The following GRM8 variants were observed in gnomAD, a reference collection of about 807,000 sequenced individuals.
GRM8 encodes the protein glutamate metabotropic receptor 8, also known as metabotropic glutamate receptor 8.
A neutral mutation model predicts 87.2 loss-of-function variants in GRM8; 47 were observed. That is an observed-to-expected ratio of 0.54 (90% CI 0.43 to 0.69). The LOEUF is 0.69. Ranked by LOEUF, GRM8 falls within the 30% of genes least tolerant of loss-of-function variation. GRM8 has a pLI of 0.00. For synonymous variants in GRM8, 396 were observed against 404.5 expected, an observed-to-expected ratio of 0.98 and a Z score of 0.25; for missense variants, 1,019 against 1,139.2, an observed-to-expected ratio of 0.89 and a Z score of 1.52.
In GRM8 at chr7:127,211,237, T is replaced by G. The variant is rs17866782; in HGVS notation, c.510+31458A>C. ...AGTAGGGAAGCTGACAGTGCAGCCT[T>G]CAGTATGTGGTCAAAAGCCTGAGAG... On this transcript the variant is annotated intron_variant, in intron 2 of 10. Transcript: ENST00000339582. 5.3e-4 allele frequency among the ~76,000 whole-genome samples: 80 copies of G among 152,220 alleles called. No individual in the cohort carries two copies. The East Asian group carries it at 0.014, about 26-fold the overall frequency.
intron 7 of GRM8, among the ~76,000 whole-genome samples, chr7:126,618,986 A>T (rs1318882563): frequency 6.6e-6 from 1 of 152,222 alleles, no homozygotes; most frequent in African/African-American, 2.4e-5. Context: ...AGGATCTAGA[A>T]CTAGAAACAC....
intron 2 of GRM8, among the ~76,000 whole-genome samples, chr7:127,175,860 T>A (rs1382803110): frequency 6.6e-6 from 1 of 152,108 alleles, no homozygotes; most frequent in Non-Finnish European, 1.5e-5. Context: ...AAACATTATT[T>A]AAGGGGAATG....
rs1801148619 is a variant in GRM8, at chr7:126,439,048, AT to A, written c.*70del. The A allele has an allele frequency of 1.1e-6, 1 of 903,506 alleles. No individual in the cohort carries two copies. The highest frequency in any genetic ancestry group is 1.9e-6 in the Non-Finnish European group (1 of 532,830). 56.0% of individuals were successfully genotyped at this position (903,506 alleles called of 1,614,324 possible). On this transcript the variant is annotated 3_prime_UTR_variant, in exon 11 of 11. Coordinates refer to ENST00000339582, the MANE Select transcript of GRM8 (RefSeq NM_000845.3). Reference sequence around the variant, plus strand: ...AGTCTACGGAGATCTCCAGGAGTGAATTTTTGCGGTCTCATGTTCATCATTT... The same window carrying A: ...AGTCTACGGAGATCTCCAGGAGTGAATTTTGCGGTCTCATGTTCATCATTT...
chr7:127,133,439 T>G (rs1827792167), intron 2 of GRM8, among the ~76,000 whole-genome samples: 1 of 148,604 alleles, frequency 6.7e-6, no homozygotes, highest in Non-Finnish European at 1.5e-5. Context: ...CAACCCTGTC[T>G]CTAAAAAAGC....
chr7:126,536,009 TTG>T (rs1815659920), intron 8 of GRM8, among the ~76,000 whole-genome samples: 1 of 152,202 alleles, frequency 6.6e-6, no homozygotes, highest in African/African-American at 2.4e-5. Flanking sequence ...TACGGAAATG[TTG>T]TGAGATGATG....
At chr7:126,904,820 G>A (rs1802514906) in intron 3 of GRM8, 137 bp from the exon 4 acceptor site, 1 of 736,086 alleles carries the variant, frequency 1.4e-6, no homozygotes, top group Admixed American at 2.4e-5. Context: ...CACCTATTAA[G>A]AGCAATTGTT....
chr7:126,906,305 TATG>T (rs1429352927), intron 3 of GRM8, among the ~76,000 whole-genome samples: 2 of 152,080 alleles, frequency 1.3e-5, no homozygotes, highest in African/African-American at 4.8e-5. Flanking sequence ...CCACCCAGTA[TATG>T]ATAATTTTTA....
chr7:126,813,372 G>A (rs573725052), intron 6 of GRM8, among the ~76,000 whole-genome samples: 4 of 152,104 alleles, frequency 2.6e-5, no homozygotes, highest in African/African-American at 9.6e-5. Context: ...AAATATCAAT[G>A]TTAAGTTCCT....
chr7:127,008,994 AT>A (rs1433981237), intron 3 of GRM8, among the ~76,000 whole-genome samples: 1 of 152,034 alleles, frequency 6.6e-6, no homozygotes, highest in Non-Finnish European at 1.5e-5. Context: ...CTTCATTTGC[AT>A]TCTTTCTTCT....
chr7:126,587,594 C>T (rs1050101989), intron 8 of GRM8, among the ~76,000 whole-genome samples: 3 of 150,144 alleles, frequency 2.0e-5, no homozygotes, highest in East Asian at 3.9e-4. Context: ...AACCAAACAC[C>T]GCATATTCTC....
chr7:126,637,729 T>C (rs1802001601), intron 7 of GRM8, among the ~76,000 whole-genome samples: 1 of 152,156 alleles, frequency 6.6e-6, no homozygotes, highest in Admixed American at 6.6e-5. Context: ...TCCCTTGAAG[T>C]CTCTCATAAT....
chr7:126,488,021 C>T lies in GRM8; in HGVS notation c.2431-41649G>A, dbSNP rs144644904. On this transcript the variant is annotated intron_variant, in intron 9 of 10. Transcript: ENST00000339582. ...AAAAAGCAACTAGATCAGCTTTCAA[C>T]CTAACCTCATAAGAGCTTTTCCTTG... 3.2e-4 allele frequency among the ~76,000 whole-genome samples: 49 copies of T among 152,086 alleles called. No homozygotes were observed. In the East Asian group the frequency reaches 7.0e-3, roughly 22 times the overall value.
At position 126,707,822 on chromosome 7, in the gene GRM8, T is replaced by C. The variant is rs547520782; in HGVS notation, c.1357+62043A>G. Among the ~76,000 whole-genome samples, 11 of 152,228 alleles carry C rather than the reference T, an allele frequency of 7.2e-5. No individual in the cohort carries two copies. The East Asian group carries it at 1.2e-3, about 16-fold the overall frequency. On this transcript the variant is annotated intron_variant, in intron 7 of 10. Coordinates refer to ENST00000339582, the MANE Select transcript of GRM8 (RefSeq NM_000845.3). ...GAAAAAAACATGGAGAAAATCTCCT[T>C]GACATTGGTCTTGACAATGGTTTTT...
At chr7:127,081,147 G>C (rs1360380721) in intron 3 of GRM8, among the ~76,000 whole-genome samples, 1 of 152,116 alleles carries the variant, frequency 6.6e-6, no homozygotes, top group Admixed American at 6.5e-5. Flanking sequence ...TAGCACGAAA[G>C]GTCCTTTCTG....
At chr7:127,109,926 C>T (rs770436280) in intron 2 of GRM8, among the ~76,000 whole-genome samples, 7 of 152,272 alleles carry the variant, frequency 4.6e-5, no homozygotes, top group Middle Eastern at 6.9e-3. Flanking sequence ...CTCTCTATGA[C>T]CATACTGCCT....
intron 2 of GRM8, among the ~76,000 whole-genome samples, chr7:127,120,582 C>A (rs1308998634): frequency 6.6e-6 from 1 of 152,176 alleles, no homozygotes. Context: ...AAAAGCTCTG[C>A]TATAGTATGA....
chr7:126,473,938 C>T (rs997071920), intron 9 of GRM8, among the ~76,000 whole-genome samples: 1 of 152,064 alleles, frequency 6.6e-6, no homozygotes. Context: ...GATTGTGATG[C>T]CTCCCAAGCC....
rs1813339550 is a variant in GRM8 at position 126,729,235 on chromosome 7, G to A, written c.1357+40630C>T. Among the ~76,000 whole-genome samples, 7 of 152,160 alleles carry A rather than the reference G, an allele frequency of 4.6e-5. No individual in the cohort carries two copies. The South Asian group carries it at 1.4e-3, about 32-fold the overall frequency. Reference sequence around the variant, plus strand: ...CCCTCTCCTCAGTCACCATTCCAGAGTGCTCTGATGGCTTCACACTGCTAG... The same window carrying A: ...CCCTCTCCTCAGTCACCATTCCAGAATGCTCTGATGGCTTCACACTGCTAG... On this transcript the variant is annotated intron_variant, in intron 7 of 10. Transcript: ENST00000339582.
intron 2 of GRM8, among the ~76,000 whole-genome samples, chr7:127,189,888 G>A (rs1016794867): frequency 6.6e-6 from 1 of 152,226 alleles, no homozygotes; most frequent in African/African-American, 2.4e-5. Flanking sequence ...TTTGACCTCT[G>A]ATGGTAGAGC....
Sources: gnomAD v4.1 joint callset for allele counts (sites outside exome capture counted in the v4.1 genomes callset) on GRCh38, gnomAD v4.1.1 for gene constraint, MANE v1.5 for transcripts, NCBI Gene and HGNC (gene_info 2026-07-23, HGNC 2026-07-21) for gene names.